CFAP77: variants seen among roughly 807,000 people sequenced by gnomAD.
CFAP77 encodes the protein cilia- and flagella-associated protein 77.
A neutral mutation model predicts 31.1 loss-of-function variants in CFAP77; 25 were observed. The observed-to-expected ratio is 0.80, with a 90% CI of 0.59 to 1.12. The LOEUF is 1.12. Ranked by LOEUF, CFAP77 falls within the 50% of genes most tolerant of loss-of-function variation. The probability of loss-of-function intolerance (pLI) is 0.00; values close to 1 mark genes in which losing one functional copy is unlikely to be tolerated. For synonymous variants in CFAP77, 151 were observed against 159.9 expected (o/e 0.94, Z 0.42); for missense variants, 377 against 397.3 (o/e 0.95, Z 0.44).
chr9:132,464,121 A>G, intron 1 of CFAP77, among the ~76,000 whole-genome samples: 1 of 152,250 alleles, frequency 6.6e-6, no homozygotes, highest in East Asian at 1.9e-4. Flanking sequence ...AACAAAGTTC[A>G]GGTATTTCCC....
chr9:132,537,412 C>G (rs551391813), intron 3 of CFAP77, among the ~76,000 whole-genome samples, 189 bp from the exon 4 acceptor site: 17 of 152,162 alleles, frequency 1.1e-4, no homozygotes, highest in Non-Finnish European at 1.9e-4. Flanking sequence ...CCCAGGCCCA[C>G]CACTCATCAG....
At chr9:132,432,457 A>G (rs1470298545) in intron 1 of CFAP77, among the ~76,000 whole-genome samples, 3 of 151,792 alleles carry the variant, frequency 2.0e-5, no homozygotes, top group African/African-American at 7.3e-5. Context: ...ACAGGTCTGC[A>G]GTTTACCCCT....
chr9:132,468,773 G>A (rs530649087), intron 1 of CFAP77, among the ~76,000 whole-genome samples: 2 of 141,752 alleles, frequency 1.4e-5, no homozygotes, highest in African/African-American at 5.1e-5. Context: ...TCTTTTGAAA[G>A]AATAAGCACA....
At chr9:132,421,337 A>G (rs1417658297) in intron 1 of CFAP77, among the ~76,000 whole-genome samples, 2 of 147,094 alleles carry the variant, frequency 1.4e-5, no homozygotes, top group South Asian at 2.4e-4. Flanking sequence ...GTGGGGGGGA[A>G]CTGAAGAGGT....
rs558700505 is a variant in CFAP77, at chr9:132,473,587, C to T, written c.196-25108C>T. Among the ~76,000 whole-genome samples, 7 of 152,272 alleles carry T rather than the reference C, an allele frequency of 4.6e-5. No homozygotes were observed. The East Asian group carries it at 9.7e-4, about 21-fold the overall frequency. ...GGGTGGTTCCAGGCCAAACCAGACG[C>T]GTGAAAGCCAGATGATCCCTAGTTG... is the stretch of plus-strand genomic sequence containing the variant. On this transcript the variant is annotated intron_variant, in intron 1 of 5. Coordinates refer to ENST00000393216, the MANE Select transcript of CFAP77 (RefSeq NM_001282957.2).
chr9:132,459,420 G>GGAGT lies in CFAP77; in HGVS notation c.196-39274_196-39273insAGTG, dbSNP rs1387160353. ...CACCTAATGTGGCCTGGATGAATAG[G>GGAGT]GTGTGTGTGTGTGTGTGTGTGTGTG... is the stretch of plus-strand genomic sequence containing the variant. On this transcript the variant is annotated intron_variant, in intron 1 of 5. Coordinates refer to ENST00000393216, the MANE Select transcript of CFAP77 (RefSeq NM_001282957.2). Among the ~76,000 whole-genome samples, 11 of 143,978 alleles carry GGAGT rather than the reference G, an allele frequency of 7.6e-5. No homozygotes were observed. The East Asian group carries it at 2.3e-3, about 29-fold the overall frequency. 94.5% of individuals were successfully genotyped at this position (143,978 alleles called of 152,430 possible).
intron 1 of CFAP77, among the ~76,000 whole-genome samples, chr9:132,414,070 G>A (rs1459247107): frequency 1.3e-5 from 2 of 152,208 alleles, no homozygotes; most frequent in Non-Finnish European, 2.9e-5. Context: ...AGGTCTCCTG[G>A]CTTCCAGCCC....
At chr9:132,414,182 G>C (rs916941923) in intron 1 of CFAP77, among the ~76,000 whole-genome samples, 1 of 152,244 alleles carries the variant, frequency 6.6e-6, no homozygotes, top group Non-Finnish European at 1.5e-5. Flanking sequence ...AGATGAATCA[G>C]ATCCCAATAT....
chr9:132,486,956 C>A (rs983487275), intron 1 of CFAP77, among the ~76,000 whole-genome samples: 1 of 152,200 alleles, frequency 6.6e-6, no homozygotes, highest in African/African-American at 2.4e-5. Context: ...CGGGCTGCCC[C>A]GGGGAGCGGG....
intron 3 of CFAP77, among the ~76,000 whole-genome samples, chr9:132,521,761 G>A (rs991716066): frequency 4.4e-5 from 3 of 67,706 alleles, no homozygotes; most frequent in African/African-American, 2.5e-4. Flanking sequence ...AAATAGACTT[G>A]CTTTTTTTTT....
intron 1 of CFAP77, among the ~76,000 whole-genome samples, chr9:132,475,479 C>A (rs472207): frequency 0.54 from 82,602 of 152,056 alleles, 23,278 homozygotes; most frequent in East Asian, 0.79. Context: ...GGATGCAGAG[C>A]CCACTTTGGG....
At chr9:132,487,676 A>G (rs1216199326) in intron 1 of CFAP77, among the ~76,000 whole-genome samples, 2 of 119,054 alleles carry the variant, frequency 1.7e-5, no homozygotes, top group African/African-American at 6.6e-5. Context: ...ACATTACTTT[A>G]TACGCCTTTG....
rs945057307 is a variant in CFAP77 at position 132,564,846 on chromosome 9, G to A, written c.733-7542G>A. On this transcript the variant is annotated intron_variant, in intron 5 of 5. Coordinates refer to ENST00000393216, the MANE Select transcript of CFAP77 (RefSeq NM_001282957.2). The surrounding 1 kb of genome is among the most constrained non-coding windows in gnomAD (Gnocchi z 4.6). ...ATGGGGCCCACCGCTCTAGATGCGG[G>A]AAGCAAAGTGAGACCTCCGTTCAGG... 2.6e-5 allele frequency among the ~76,000 whole-genome samples: 4 copies of A among 152,184 alleles called. No individual in the cohort carries two copies. The highest frequency in any genetic ancestry group is 9.7e-5 in the African/African-American group (4 of 41,438).
chr9:132,572,295 T>C (rs1829968266), intron 5 of CFAP77, 93 bp from the exon 6 acceptor site: 2 of 1,416,868 alleles, frequency 1.4e-6, no homozygotes, highest in South Asian at 2.7e-5. Flanking sequence ...ATCATTATTC[T>C]AAGATTGAAG....
At position 132,497,921 on chromosome 9, in the gene CFAP77, G is replaced by A. The variant is rs1193197130; in HGVS notation, c.196-774G>A. On this transcript the variant is annotated intron_variant, in intron 1 of 5. Transcript: ENST00000393216. This position sits in a 1 kb window ranked among gnomAD's most constrained non-coding sequence, Gnocchi z 4.9. ...ACCGCGTGGCAGGATGATCAAGAGCGCCAGTCAAGAGGACAGGCACGCCTC... is the reference window on the plus strand; with the variant it reads ...ACCGCGTGGCAGGATGATCAAGAGCACCAGTCAAGAGGACAGGCACGCCTC... Among the ~76,000 whole-genome samples, 2 of 152,122 alleles carry A rather than the reference G, an allele frequency of 1.3e-5. No individual in the cohort carries two copies. The highest frequency in any genetic ancestry group is 1.9e-4 in the East Asian group (1 of 5,186).
chr9:132,548,704 C>T (rs1257242640), intron 5 of CFAP77, among the ~76,000 whole-genome samples: 4 of 151,232 alleles, frequency 2.6e-5, no homozygotes, highest in Admixed American at 1.3e-4. Flanking sequence ...ATTCCCCTCC[C>T]GCCCCCACCC....
At chr9:132,533,437 A>G (rs1310498010) in intron 3 of CFAP77, among the ~76,000 whole-genome samples, 1 of 148,246 alleles carries the variant, frequency 6.7e-6, no homozygotes, top group Non-Finnish European at 1.5e-5. Context: ...AACAGGAGTC[A>G]GCAGGCCCCG....
Position 132,410,281 on chromosome 9 carries a change from G to A in CFAP77, c.10G>A (p.Ala4Thr). The change falls in exon 1 of 6, where the codon GCC becomes ACC. Residue 4 changes from alanine (A) to threonine (T), a missense_variant. Coordinates refer to ENST00000393216, the MANE Select transcript of CFAP77 (RefSeq NM_001282957.2). MPE[A>T]RSSGPDLTRW... ...CCCGGCGACCTCAAGGATGCCAGAG[G>A]CCAGGAGCTCCGGCCCGGACCTCAC... 2 of 1,576,894 alleles carry A rather than the reference G, an allele frequency of 1.3e-6. No individual in the cohort carries two copies. The highest frequency in any genetic ancestry group is 1.7e-6 in the Non-Finnish European group (2 of 1,163,642).
rs1299179525 is a variant in CFAP77 at position 132,455,728 on chromosome 9, C to A, written c.196-42967C>A. ...CCTGGGTGACAGAGCAAGACTGTCT[C>A]AAAAACAAAACAAAACAAAAAAGCA... On this transcript the variant is annotated intron_variant, in intron 1 of 5. Coordinates refer to ENST00000393216, the MANE Select transcript of CFAP77 (RefSeq NM_001282957.2). The surrounding 1 kb of genome is among the most constrained non-coding windows in gnomAD (Gnocchi z 4.1). 3.3e-5 allele frequency among the ~76,000 whole-genome samples: 5 copies of A among 151,986 alleles called. No homozygotes were observed. Among genetic ancestry groups the A allele is most frequent in the Non-Finnish European group, 7.4e-5 (5 of 68,022 alleles).
Sources: gnomAD v4.1 joint callset for allele counts (sites outside exome capture counted in the v4.1 genomes callset) on GRCh38, gnomAD v4.1.1 for gene constraint, Gnocchi (gnomAD v3.1) non-coding constraint, MANE v1.5 for transcripts, NCBI Gene and HGNC (gene_info 2026-07-23, HGNC 2026-07-21) for gene names.